ANKFN1: variants seen among roughly 807,000 people sequenced by gnomAD.
The protein encoded by ANKFN1 is ankyrin repeat and fibronectin type-III domain-containing protein 1.
Under a neutral mutation model 108.7 loss-of-function variants are expected in ANKFN1, and 74 were observed. That is an observed-to-expected ratio of 0.68 (90% CI 0.56 to 0.83). ANKFN1 has a LOEUF of 0.83. ANKFN1 is among the 40% of genes least tolerant of loss of function. ANKFN1 has a pLI of 0.00. For synonymous variants in ANKFN1, 547 were observed against 516.2 expected, an observed-to-expected ratio of 1.06 and a Z score of -0.81; for missense variants, 1,505 against 1,382.3, an observed-to-expected ratio of 1.09 and a Z score of -1.41.
At chr17:56,064,011 G>T (rs1486141380) in intron 4 of ANKFN1, among the ~76,000 whole-genome samples, 1 of 152,154 alleles carries the variant, frequency 6.6e-6, no homozygotes, top group Non-Finnish European at 1.5e-5. Context: ...CTGTAGGGCT[G>T]CTGCAGTTTG....
chr17:56,171,016 G>A (rs1555604614), intron 1 of ANKFN1, among the ~76,000 whole-genome samples: 1 of 151,564 alleles, frequency 6.6e-6, no homozygotes, highest in Non-Finnish European at 1.5e-5. Flanking sequence ...GCATGGTAAA[G>A]CTTTCTCAGG....
intron 4 of ANKFN1, among the ~76,000 whole-genome samples, chr17:56,108,309 C>T (rs1450783911): frequency 6.6e-6 from 1 of 152,200 alleles, no homozygotes; most frequent in Non-Finnish European, 1.5e-5. Flanking sequence ...GCTGGGATTA[C>T]AGGTGTGAGC....
chr17:56,220,804 G>A (rs1598262448), intron 2 of ANKFN1, among the ~76,000 whole-genome samples: 1 of 75,594 alleles, frequency 1.3e-5, no homozygotes, highest in Admixed American at 1.5e-4. Flanking sequence ...GGAAGGGAGG[G>A]AGGGAGGAAG....
chr17:56,230,944 G>A (rs1429855755), intron 3 of ANKFN1, among the ~76,000 whole-genome samples: 1 of 152,076 alleles, frequency 6.6e-6, no homozygotes, highest in Non-Finnish European at 1.5e-5. Context: ...TCCAGAAAAA[G>A]AAGGAAATGT....
At chr17:56,290,445 A>AT (rs1353315692) in intron 3 of ANKFN1, among the ~76,000 whole-genome samples, 3 of 152,220 alleles carry the variant, frequency 2.0e-5, no homozygotes, top group South Asian at 4.1e-4. Flanking sequence ...GGAAATATTG[A>AT]TATAGGACCT....
rs186119831 is a variant in ANKFN1 at position 56,258,737 on chromosome 17, C to T, written c.53+30780C>T. Among the ~76,000 whole-genome samples, 398 of 152,050 alleles carry T rather than the reference C, an allele frequency of 2.6e-3. 3 individuals are homozygous for T. The highest frequency in any genetic ancestry group is 8.9e-3 in the African/African-American group (369 of 41,478). ...CATCCTGGCTAACACGGTGAAACCC[C>T]GTCTCTATAAAAATACCAAAAAAAT... On this transcript the variant is annotated intron_variant, in intron 3 of 20. Transcript: ENST00000682825.
chr17:56,082,437 C>CAT (rs1362443463), intron 4 of ANKFN1, among the ~76,000 whole-genome samples: 1 of 103,678 alleles, frequency 9.6e-6, no homozygotes, highest in Admixed American at 8.6e-5. Context: ...CTATCACACA[C>CAT]ACACAAAAAA....
chr17:56,091,369 T>C (rs1905413618), intron 4 of ANKFN1, among the ~76,000 whole-genome samples: 1 of 150,740 alleles, frequency 6.6e-6, no homozygotes, highest in Admixed American at 6.6e-5. Flanking sequence ...AGGGTTTATT[T>C]ATCAATTAAA....
At chr17:56,345,671 G>GT (rs2046080791) in intron 4 of ANKFN1, among the ~76,000 whole-genome samples, 1 of 152,070 alleles carries the variant, frequency 6.6e-6, no homozygotes, top group Admixed American at 6.6e-5. Flanking sequence ...TCATATGTTT[G>GT]TTGGCCACAT....
intron 19 of ANKFN1, among the ~76,000 whole-genome samples, chr17:56,494,336 T>A (rs137858731): frequency 1.3e-5 from 2 of 152,038 alleles, no homozygotes; most frequent in Non-Finnish European, 1.5e-5. Flanking sequence ...CCAGTAAAAA[T>A]GGAACACAGA....
chr17:56,401,353 A>G (rs1317742307), intron 8 of ANKFN1, among the ~76,000 whole-genome samples: 40 of 72,840 alleles, frequency 5.5e-4, no homozygotes, highest in Non-Finnish European at 9.8e-4. Context: ...ATTGTATTGT[A>G]TTGTATTGTA....
At position 56,510,829 on chromosome 17, in the gene ANKFN1, A is replaced by C; in HGVS notation, c.3001A>C (p.Lys1001Gln). The C allele has an allele frequency of 6.5e-7, 1 of 1,536,192 alleles. No homozygotes were observed. The highest frequency in any genetic ancestry group is 1.7e-4 in the Middle Eastern group (1 of 5,990). The change falls in exon 21 of 21, where the codon AAG becomes CAG. Residue 1001 changes from lysine to glutamine, a missense_variant. By Grantham distance (53) the Lys-to-Gln change is moderately conservative. Transcript: ENST00000682825. ...RPPLGFLGKR[K>Q]PGKHPHYGGF... ...CCCGCTAGGCTTCCTGGGAAAGCGG[A>C]AGCCAGGCAAGCACCCCCACTATGG...
intron 2 of ANKFN1, among the ~76,000 whole-genome samples, chr17:56,227,646 G>T (rs1486779652): frequency 6.6e-6 from 1 of 152,082 alleles, no homozygotes; most frequent in African/African-American, 2.4e-5. Flanking sequence ...GAGACAAAGT[G>T]AGCATCAAGT....
intron 3 of ANKFN1, among the ~76,000 whole-genome samples, chr17:56,242,703 T>A (rs1053611465): frequency 1.1e-4 from 17 of 152,120 alleles, no homozygotes; most frequent in African/African-American, 3.6e-4. Context: ...TTAATTCATG[T>A]TGAATACCAG....
chr17:56,309,096 C>T (rs766253546), intron 3 of ANKFN1, among the ~76,000 whole-genome samples: 1 of 152,108 alleles, frequency 6.6e-6, no homozygotes, highest in Non-Finnish European at 1.5e-5. Flanking sequence ...TGTGTTCCCT[C>T]CTCTTTTGGG....
At chr17:56,207,098 A>G (rs191696516) in intron 1 of ANKFN1, 87 of 152,058 alleles carry the variant, frequency 5.7e-4, no homozygotes, top group African/African-American at 2.1e-3. Context: ...TACTTTTTAT[A>G]TTTCTCCATC....
chr17:56,326,183 C>T (rs2045509991), intron 3 of ANKFN1, 38 bp from the exon 4 acceptor site: 7 of 1,587,102 alleles, frequency 4.4e-6, no homozygotes, highest in Admixed American at 1.8e-5. Flanking sequence ...TCGGCTCTTG[C>T]CTGTAGTGAT....
chr17:56,358,492 A>G (rs2046429793), intron 6 of ANKFN1, among the ~76,000 whole-genome samples: 1 of 152,158 alleles, frequency 6.6e-6, no homozygotes, highest in South Asian at 2.1e-4. Flanking sequence ...AAACTTGTAC[A>G]CTGCTCTCAA....
chr17:56,077,790 G>A (rs971737438), intron 4 of ANKFN1, among the ~76,000 whole-genome samples: 6 of 152,070 alleles, frequency 3.9e-5, no homozygotes, highest in Non-Finnish European at 7.4e-5. Context: ...GCATTTGGCA[G>A]CCTCTTGGTG....
Sources: allele counts gnomAD v4.1 joint callset (sites outside exome capture counted in the v4.1 genomes callset), GRCh38; gene constraint gnomAD v4.1.1; transcripts MANE v1.5; gene names NCBI Gene and HGNC (gene_info 2026-07-23, HGNC 2026-07-21).